The following CCDC149 variants were observed in gnomAD, a reference collection of about 807,000 sequenced individuals.
CCDC149 encodes the protein coiled-coil domain containing 149, also known as coiled-coil domain-containing protein 149.
Under a neutral mutation model 59.9 loss-of-function variants are expected in CCDC149, and 45 were observed. The ratio of observed to expected loss-of-function variants is 0.75; its 90% CI spans 0.59 to 0.96. The LOEUF (loss-of-function observed/expected upper bound fraction) is 0.96. Ranked by LOEUF, CCDC149 falls within the 40% of genes least tolerant of loss-of-function variation. The pLI is 0.00. For missense variants in CCDC149, 584 were observed against 664.7 expected (o/e 0.88, Z 1.33); for synonymous variants, 245 against 260.6 (o/e 0.94, Z 0.58).
chr4:24,942,780 G>A (rs1235209467), intron 1 of CCDC149, among the ~76,000 whole-genome samples: 2 of 152,050 alleles, frequency 1.3e-5, no homozygotes, highest in East Asian at 3.9e-4. Context: ...CAAATCATGA[G>A]TGAACTCCCA....
At chr4:24,909,696 C>T (rs1261523464) in intron 1 of CCDC149, among the ~76,000 whole-genome samples, 2 of 152,262 alleles carry the variant, frequency 1.3e-5, no homozygotes, top group African/African-American at 4.8e-5. Context: ...TAGTTTCCTC[C>T]ATAATGTTCT....
In CCDC149 at chr4:24,837,083, A is replaced by G. The variant is rs1716588219; in HGVS notation, c.662+145T>C. ...CTTTTGCAACTAATACATGGCATTG[A>G]TGTCATCATTTCGGGGGAGTGAGTT... On this transcript the variant is annotated intron_variant, in intron 6 of 12. Coordinates refer to ENST00000635206, the MANE Select transcript of CCDC149 (RefSeq NM_001330643.2). This position sits in a 1 kb window ranked among gnomAD's most constrained non-coding sequence, Gnocchi z 4.3. 1.4e-6 allele frequency: 1 copy of G among 721,204 alleles called. No homozygotes were observed. The highest frequency in any genetic ancestry group is 1.8e-5 in the African/African-American group (1 of 56,148). The allele number at this position is 721,204 out of a possible 1,614,324, so 44.7% of individuals were successfully genotyped here. A position where few individuals can be genotyped will look rare whatever the true frequency, so the allele number is the denominator to read the frequency against.
At chr4:24,866,127 T>C (rs1242203072) in intron 3 of CCDC149, among the ~76,000 whole-genome samples, 3 of 152,170 alleles carry the variant, frequency 2.0e-5, no homozygotes, top group African/African-American at 4.8e-5. Context: ...CCAAGGAGAC[T>C]TTTTATGGAA....
chr4:24,923,342 A>G (rs1314253827), intron 1 of CCDC149, among the ~76,000 whole-genome samples: 3 of 152,252 alleles, frequency 2.0e-5, no homozygotes, highest in African/African-American at 7.2e-5. Flanking sequence ...TATGCCAGGC[A>G]CTGTTTAAGT....
rs116162122 is a variant in CCDC149, at chr4:24,892,540, G to C, written c.64-15843C>G. Reference sequence around the variant, plus strand: ...TCCTTGGGAAAGACCTACGAAGCCTGATGGGCTCAGATTTCAGGTATGACC... The same window carrying C: ...TCCTTGGGAAAGACCTACGAAGCCTCATGGGCTCAGATTTCAGGTATGACC... On this transcript the variant is annotated intron_variant, in intron 1 of 12. Coordinates refer to ENST00000635206, the MANE Select transcript of CCDC149 (RefSeq NM_001330643.2). Among the ~76,000 whole-genome samples the C allele has an allele frequency of 7.3e-3, 1,114 of 152,306 alleles. 19 individuals carry two copies. The highest frequency in any genetic ancestry group is 0.025 in the African/African-American group (1,040 of 41,576).
chr4:24,939,998 C>T (rs1722906966), intron 1 of CCDC149, among the ~76,000 whole-genome samples: 1 of 152,180 alleles, frequency 6.6e-6, no homozygotes, highest in South Asian at 2.1e-4. Flanking sequence ...AGAACTTCCC[C>T]AATCCAGCAA....
intron 9 of CCDC149, among the ~76,000 whole-genome samples, chr4:24,826,778 G>A (rs1243830665): frequency 1.3e-5 from 2 of 152,220 alleles, no homozygotes; most frequent in African/African-American, 4.8e-5. Context: ...TTTCAGGACA[G>A]TAGAGGGGAT....
intron 3 of CCDC149, among the ~76,000 whole-genome samples, chr4:24,860,012 T>C (rs59932670): frequency 0.05 from 7,555 of 152,246 alleles, 448 homozygotes; most frequent in East Asian, 0.2. Flanking sequence ...AAAATGACCA[T>C]ACTGCCAAAA....
At chr4:24,874,200 T>C (rs1213693029) in intron 2 of CCDC149, among the ~76,000 whole-genome samples, 1 of 148,694 alleles carries the variant, frequency 6.7e-6, no homozygotes, top group Non-Finnish European at 1.5e-5. Context: ...CAGTATTTGC[T>C]CAAAGTTAAG....
At chr4:24,809,726 G>T (rs2109084392) in intron 12 of CCDC149, among the ~76,000 whole-genome samples, 1 of 152,316 alleles carries the variant, frequency 6.6e-6, no homozygotes, top group East Asian at 1.9e-4. Context: ...GTTTAGCCTG[G>T]ACACATGTCC....
intron 1 of CCDC149, among the ~76,000 whole-genome samples, chr4:24,929,783 C>T (rs1722532680): frequency 1.3e-5 from 2 of 152,080 alleles, no homozygotes; most frequent in Admixed American, 6.6e-5. Context: ...TTATCTGAGC[C>T]TCTTTGGGAG....
At chr4:24,928,318 T>G (rs928454939) in intron 1 of CCDC149, among the ~76,000 whole-genome samples, 1 of 152,162 alleles carries the variant, frequency 6.6e-6, no homozygotes, top group Non-Finnish European at 1.5e-5. Flanking sequence ...TTAAGATTAA[T>G]ACTATGTGTT....
chr4:24,962,713 T>C (rs533635786), intron 1 of CCDC149, among the ~76,000 whole-genome samples: 2 of 150,818 alleles, frequency 1.3e-5, no homozygotes, highest in African/African-American at 4.9e-5. Flanking sequence ...AAGGGGAACA[T>C]CACACACCGG....
chr4:24,853,274 C>T (rs942266722), intron 3 of CCDC149, 95 bp from the exon 4 acceptor site: 17 of 883,970 alleles, frequency 1.9e-5, no homozygotes, highest in Non-Finnish European at 3.2e-5. Flanking sequence ...TGTCTAACCC[C>T]AGTTGAACCA....
chr4:24,821,359 A>G (rs1047865038), intron 10 of CCDC149, among the ~76,000 whole-genome samples: 1 of 152,228 alleles, frequency 6.6e-6, no homozygotes, highest in Admixed American at 6.5e-5. Context: ...TTGAAATTCA[A>G]TGCAATAAAA....
chr4:24,885,544 G>A (rs2602739), intron 1 of CCDC149, among the ~76,000 whole-genome samples: 27,634 of 152,142 alleles, frequency 0.18, 2,625 homozygotes, highest in Non-Finnish European at 0.22. Context: ...TTCAGCCTCC[G>A]CCGTGACGGC....
intron 3 of CCDC149, among the ~76,000 whole-genome samples, chr4:24,865,499 T>C (rs943838702): frequency 6.6e-6 from 1 of 152,202 alleles, no homozygotes; most frequent in African/African-American, 2.4e-5. Flanking sequence ...GTGATGACCT[T>C]TGCTATAGCG....
At chr4:24,938,096 AGGGT>A (rs1722835262) in intron 1 of CCDC149, among the ~76,000 whole-genome samples, 1 of 152,186 alleles carries the variant, frequency 6.6e-6, no homozygotes. Context: ...TAGTTTAATC[AGGGT>A]GAAATTACCA....
intron 1 of CCDC149, among the ~76,000 whole-genome samples, chr4:24,894,644 G>T (rs1357633929): frequency 1.3e-5 from 2 of 151,862 alleles, no homozygotes; most frequent in Non-Finnish European, 2.9e-5. Context: ...GGACAAACAA[G>T]CACCTTAGTA....
Sources: allele counts gnomAD v4.1 joint callset (sites outside exome capture counted in the v4.1 genomes callset), GRCh38; gene constraint gnomAD v4.1.1; non-coding constraint Gnocchi (gnomAD v3.1); transcripts MANE v1.5; gene names NCBI Gene and HGNC (gene_info 2026-07-23, HGNC 2026-07-21).